The following TMCO4 variants were observed in gnomAD, a reference collection of about 807,000 sequenced individuals.
TMCO4 encodes the protein transmembrane and coiled-coil domain-containing protein 4.
TMCO4 carries 58 observed loss-of-function variants against 64.7 expected under a neutral mutation model. The ratio of observed to expected loss-of-function variants is 0.90; its 90% confidence interval spans 0.73 to 1.12. The LOEUF (loss-of-function observed/expected upper bound fraction) is 1.12. Ranked by LOEUF, TMCO4 falls within the 50% of genes most tolerant of loss-of-function variation. TMCO4 has a pLI of 0.00. For synonymous variants in TMCO4, 325 were observed against 346.1 expected (o/e 0.94, Z 0.68); for missense variants, 780 against 825.9 (o/e 0.94, Z 0.68).
chr1:19,707,394 C>T (rs1183336114), intron 13 of TMCO4, among the ~76,000 whole-genome samples: 3 of 152,166 alleles, frequency 2.0e-5, no homozygotes, highest in East Asian at 3.9e-4. Context: ...AGGCCAAGGT[C>T]GGTGGATTGC....
At chr1:19,714,089 A>G (rs2095344470) in intron 13 of TMCO4, among the ~76,000 whole-genome samples, 1 of 150,412 alleles carries the variant, frequency 6.6e-6, no homozygotes, top group Admixed American at 6.6e-5. Context: ...GGCATACACC[A>G]CCACATCTAA....
intron 6 of TMCO4, among the ~76,000 whole-genome samples, chr1:19,761,403 G>A (rs2042497239): frequency 6.6e-6 from 1 of 152,178 alleles, no homozygotes; most frequent in Non-Finnish European, 1.5e-5. Flanking sequence ...TGATAGATGT[G>A]CAGATTCCAG....
intron 8 of TMCO4, among the ~76,000 whole-genome samples, chr1:19,746,923 C>CAAAAA (rs199888917): frequency 1.0e-4 from 5 of 49,830 alleles, no homozygotes; most frequent in Non-Finnish European, 1.7e-4. Flanking sequence ...GATACTGTCT[C>CAAAAA]AAAAAAAAAA....
chr1:19,755,444 T>G (rs1172013460), intron 7 of TMCO4, among the ~76,000 whole-genome samples, 190 bp downstream of exon 7: 1 of 152,164 alleles, frequency 6.6e-6, no homozygotes, highest in Non-Finnish European at 1.5e-5. Flanking sequence ...GCAAATGAAG[T>G]CAGAGGCCCA....
intron 7 of TMCO4, among the ~76,000 whole-genome samples, chr1:19,749,448 A>G (rs2041932504): frequency 6.6e-6 from 1 of 151,366 alleles, no homozygotes; most frequent in Non-Finnish European, 1.5e-5. Context: ...GCTCACTGCA[A>G]CCTCCACCTC....
intron 13 of TMCO4, 117 bp downstream of exon 13, chr1:19,737,255 A>G (rs1430667533): frequency 9.7e-7 from 1 of 1,026,454 alleles, no homozygotes; most frequent in Non-Finnish European, 1.4e-6. Flanking sequence ...ACTTTTAACT[A>G]TTATTTCTAA....
At position 19,792,067 on chromosome 1, in the gene TMCO4, C is replaced by T. The variant is rs187179706; in HGVS notation, c.-100-4950G>A. 4.0e-4 allele frequency among the ~76,000 whole-genome samples: 61 copies of T among 152,310 alleles called. No homozygotes were observed. The East Asian group carries it at 4.8e-3, about 12-fold the overall frequency. On this transcript the variant is annotated intron_variant, in intron 2 of 15. Transcript: ENST00000294543. ...CATGTAAGACGTGCCTTTCACCTTC[C>T]GCCATGATTGTGAGGCCTCCCCAAT...
intron 4 of TMCO4, among the ~76,000 whole-genome samples, chr1:19,777,191 C>A (rs2043247090): frequency 6.6e-6 from 1 of 152,128 alleles, no homozygotes; most frequent in Admixed American, 6.5e-5. Context: ...AAGATGTCCT[C>A]CCTGACGGGA....
In TMCO4 at chr1:19,771,176, GA is replaced by G. The variant is rs1023213639; in HGVS notation, c.354+131del. 2.3e-4 allele frequency: 213 copies of G among 937,910 alleles called. No individual in the cohort carries two copies. The African/African-American group carries it at 2.8e-3, about 12-fold the overall frequency. The allele number at this position is 937,910 out of a possible 1,614,324, so 58.1% of individuals were successfully genotyped here. A position where few individuals can be genotyped will look rare whatever the true frequency, so the allele number is the denominator to read the frequency against. The stretch of plus-strand genomic sequence containing the variant: ...ATAATTCAACATCAGCTATGATCAT[GA>G]TATGATATTATGATGACATATTTTA... On this transcript the variant is annotated intron_variant, in intron 5 of 15. Transcript: ENST00000294543.
intron 6 of TMCO4, among the ~76,000 whole-genome samples, chr1:19,762,656 T>C (rs569097939): frequency 6.6e-6 from 1 of 152,370 alleles, no homozygotes; most frequent in East Asian, 1.9e-4. Context: ...TGGCCCTAAA[T>C]GCCAGTTGCA....
intron 2 of TMCO4, among the ~76,000 whole-genome samples, chr1:19,794,635 C>T (rs188511098): frequency 4.9e-4 from 75 of 152,302 alleles, no homozygotes; most frequent in African/African-American, 1.6e-3. Context: ...GTTCCAGCAA[C>T]GCCACTTCTG....
At chr1:19,749,427 G>A (rs899217634) in intron 7 of TMCO4, among the ~76,000 whole-genome samples, 4 of 152,012 alleles carry the variant, frequency 2.6e-5, no homozygotes, top group African/African-American at 9.7e-5. Flanking sequence ...GAGTGCACTG[G>A]TGGGATCTTG....
intron 6 of TMCO4, among the ~76,000 whole-genome samples, chr1:19,763,564 T>G (rs2042601990): frequency 2.0e-5 from 3 of 152,148 alleles, no homozygotes; most frequent in African/African-American, 7.2e-5. Context: ...GGTGCCAGGG[T>G]GAGGCTGTGG....
intron 6 of TMCO4, among the ~76,000 whole-genome samples, chr1:19,767,453 G>A (rs1223649872): frequency 6.6e-6 from 1 of 152,218 alleles, no homozygotes; most frequent in Non-Finnish European, 1.5e-5. Context: ...AAGACAGGCT[G>A]TTTTAAACCC....
chr1:19,698,171 A>C (rs1050981024), intron 14 of TMCO4, among the ~76,000 whole-genome samples: 9 of 152,138 alleles, frequency 5.9e-5, no homozygotes, highest in African/African-American at 2.2e-4. Flanking sequence ...GACATGGCTC[A>C]CTCACAAGGC....
At chr1:19,709,786 TTTTC>T (rs1209768653) in intron 13 of TMCO4, among the ~76,000 whole-genome samples, 5 of 151,600 alleles carry the variant, frequency 3.3e-5, no homozygotes, top group African/African-American at 4.8e-5. Context: ...TTTTTTTTTC[TTTTC>T]TTTCTTTTTT....
chr1:19,751,412 A>G (rs530055252), intron 7 of TMCO4, among the ~76,000 whole-genome samples: 2 of 152,176 alleles, frequency 1.3e-5, no homozygotes, highest in Admixed American at 1.3e-4. Flanking sequence ...AGCCTGGGCA[A>G]CAGGGTGAAA....
At chr1:19,799,276 C>G (rs977804666) in intron 1 of TMCO4, 2 of 152,342 alleles carry the variant, frequency 1.3e-5, no homozygotes, top group Non-Finnish European at 2.9e-5. Context: ...AAGACATGGC[C>G]TCCTTGTAAC....
rs12027865 is a variant in TMCO4 at position 19,683,593 on chromosome 1, C to G, written c.1501-149G>C. Reference sequence around the variant, plus strand: ...CCCATGACTCCATCCCTCAGTGGCTCTCAAATCCAGAGTGGGTGGGAAGGC... The same window carrying G: ...CCCATGACTCCATCCCTCAGTGGCTGTCAAATCCAGAGTGGGTGGGAAGGC... On this transcript the variant is annotated intron_variant, in intron 15 of 15. Transcript: ENST00000294543. 9 of 820,878 alleles carry G rather than the reference C, an allele frequency of 1.1e-5. No individual in the cohort carries two copies. The African/African-American group carries it at 1.5e-4, about 14-fold the overall frequency. The allele number at this position is 820,878 out of a possible 1,614,324, so 50.8% of individuals were successfully genotyped here.
Sources: allele counts gnomAD v4.1 joint callset (sites outside exome capture counted in the v4.1 genomes callset), GRCh38; gene constraint gnomAD v4.1.1; transcripts MANE v1.5; gene names NCBI Gene and HGNC (gene_info 2026-07-23, HGNC 2026-07-21).